The following NEK1 variants were observed in gnomAD, a reference collection of about 807,000 sequenced individuals.
NEK1 encodes the protein NIMA related kinase 1.
In NEK1, 137 loss-of-function variants were observed where a neutral mutation model predicts 182.1. The observed-to-expected ratio is 0.75, with a 90% CI of 0.65 to 0.87. NEK1 has a LOEUF of 0.87. Among genes scored for constraint, NEK1 ranks in the 40% least tolerant of loss-of-function variants. The pLI is 0.00. For synonymous variants in NEK1, 513 were observed against 492.2 expected (o/e 1.04, Z -0.56); for missense variants, 1,391 against 1,494.4 (o/e 0.93, Z 1.14).
intron 31 of NEK1, among the ~76,000 whole-genome samples, chr4:169,416,479 G>A (rs4591555): frequency 0.71 from 107,496 of 152,202 alleles, 40,583 homozygotes; most frequent in Middle Eastern, 0.87. Context: ...AAAGTAAACT[G>A]ACAGCATAAA....
chr4:169,435,231 G>T lies in NEK1; in HGVS notation c.2765-1566C>A, dbSNP rs544400449. Among the ~76,000 whole-genome samples the T allele has an allele frequency of 2.7e-4, 40 of 150,414 alleles. 1 individual carries two copies. The South Asian group carries it at 5.1e-3, about 19-fold the overall frequency. On this transcript the variant is annotated intron_variant, in intron 28 of 35. Transcript: ENST00000507142. ...AGATAACCTTTTCCTCCTTGTATCCGTATGTGGTAGAAAGCAGAAAGCTCT... is the reference window on the plus strand; with the variant it reads ...AGATAACCTTTTCCTCCTTGTATCCTTATGTGGTAGAAAGCAGAAAGCTCT...
At chr4:169,444,454 G>C (rs978527499) in intron 27 of NEK1, among the ~76,000 whole-genome samples, 3 of 151,980 alleles carry the variant, frequency 2.0e-5, no homozygotes, top group Admixed American at 1.3e-4. Flanking sequence ...AAAAGAGTGG[G>C]AGAAGGCATA....
At chr4:169,600,703 C>A (rs1339331882) in intron 4 of NEK1, among the ~76,000 whole-genome samples, 4 of 151,946 alleles carry the variant, frequency 2.6e-5, no homozygotes, top group Non-Finnish European at 5.9e-5. Context: ...GAAAAAAACT[C>A]CTGAAAACTA....
At chr4:169,426,397 T>G (rs1232488339) in intron 29 of NEK1, among the ~76,000 whole-genome samples, 163 bp from the exon 30 acceptor site, 2 of 152,240 alleles carry the variant, frequency 1.3e-5, no homozygotes, top group African/African-American at 4.8e-5. Context: ...ATAAGTACAA[T>G]GTATTTTTCA....
intron 22 of NEK1, 97 bp downstream of exon 22, chr4:169,507,618 G>T: frequency 1.3e-6 from 1 of 748,100 alleles, no homozygotes; most frequent in South Asian, 2.2e-5. Context: ...TAAAGGAAGA[G>T]ACTAAAGTGA....
chr4:169,507,164 A>G, intron 22 of NEK1, 32 bp from the exon 23 acceptor site: 2 of 1,265,318 alleles, frequency 1.6e-6, no homozygotes, highest in East Asian at 2.4e-5. Context: ...AAAATGAGTT[A>G]CCAGAAAGAA....
intron 23 of NEK1, among the ~76,000 whole-genome samples, chr4:169,480,704 T>C (rs185869230): frequency 6.6e-6 from 1 of 152,238 alleles, no homozygotes; most frequent in East Asian, 1.9e-4. Context: ...ATTGACTCTT[T>C]CATGAAAATA....
At chr4:169,468,956 G>GT (rs753474936) in intron 26 of NEK1, among the ~76,000 whole-genome samples, 4 of 152,186 alleles carry the variant, frequency 2.6e-5, no homozygotes, top group Non-Finnish European at 5.9e-5. Flanking sequence ...TGTGGGATCA[G>GT]TGGTGATATC....
chr4:169,440,159 A>G (rs897614752), intron 27 of NEK1, among the ~76,000 whole-genome samples: 3 of 151,656 alleles, frequency 2.0e-5, no homozygotes, highest in Non-Finnish European at 4.4e-5. Flanking sequence ...GCTATACTAG[A>G]TAAAAATTCT....
intron 23 of NEK1, among the ~76,000 whole-genome samples, chr4:169,489,267 G>C (rs1378807986): frequency 1.3e-5 from 2 of 152,102 alleles, no homozygotes; most frequent in Non-Finnish European, 2.9e-5. Context: ...AACTATAGAG[G>C]GGCGGAGGGA....
intron 27 of NEK1, among the ~76,000 whole-genome samples, chr4:169,460,720 T>G (rs920617562): frequency 6.6e-6 from 1 of 152,062 alleles, no homozygotes; most frequent in South Asian, 2.1e-4. Flanking sequence ...AAATCACTTA[T>G]AAGGTAAAGA....
intron 23 of NEK1, among the ~76,000 whole-genome samples, chr4:169,481,411 T>TA (rs1229044014): frequency 1.3e-5 from 2 of 152,168 alleles, no homozygotes; most frequent in Admixed American, 6.5e-5. Context: ...GCTACAGCCT[T>TA]AAAAAAATGT....
rs778224226 is a variant in NEK1 at position 169,479,385 on chromosome 4, G to C, written c.2139+18C>G. The C allele has an allele frequency of 1.2e-6, 2 of 1,602,940 alleles. No homozygotes were observed. Among genetic ancestry groups the C allele is most frequent in the South Asian group, 1.1e-5 (1 of 87,958 alleles). ...TAATCTTTTGACTTTGAGGAGTTCTGAATCTTAGGAAACTTACCACGCCAA... is the reference window on the plus strand; with the variant it reads ...TAATCTTTTGACTTTGAGGAGTTCTCAATCTTAGGAAACTTACCACGCCAA... On this transcript the variant is annotated intron_variant, in intron 24 of 35. Transcript: ENST00000507142.
chr4:169,529,298 A>G (rs1757334470), intron 19 of NEK1, among the ~76,000 whole-genome samples: 1 of 111,414 alleles, frequency 9.0e-6, no homozygotes, highest in Non-Finnish European at 2.2e-5. Context: ...AAAAATTTAA[A>G]AACAAAAAAA....
At chr4:169,515,362 A>G (rs1034224776) in intron 19 of NEK1, among the ~76,000 whole-genome samples, 1 of 152,124 alleles carries the variant, frequency 6.6e-6, no homozygotes, top group African/African-American at 2.4e-5. Context: ...AGTTCTATCA[A>G]TTGCTGAGAG....
intron 23 of NEK1, among the ~76,000 whole-genome samples, chr4:169,494,354 T>C (rs1750731675): frequency 6.6e-6 from 1 of 152,108 alleles, no homozygotes; most frequent in African/African-American, 2.4e-5. Flanking sequence ...CAGTGTTTGG[T>C]TTTTGTCCTT....
chr4:169,549,391 C>T (rs137883367), intron 18 of NEK1, among the ~76,000 whole-genome samples: 279 of 152,324 alleles, frequency 1.8e-3, no homozygotes, highest in African/African-American at 6.6e-3. Flanking sequence ...CAGACCAGAG[C>T]TGTTCCTATT....
At chr4:169,532,407 T>C (rs1203132907) in intron 19 of NEK1, among the ~76,000 whole-genome samples, 1 of 152,186 alleles carries the variant, frequency 6.6e-6, no homozygotes, top group Non-Finnish European at 1.5e-5. Flanking sequence ...AATACCATTA[T>C]ATATTTGTTT....
At chr4:169,457,756 G>A (rs1389535749) in intron 27 of NEK1, among the ~76,000 whole-genome samples, 1 of 134,546 alleles carries the variant, frequency 7.4e-6, no homozygotes, top group Non-Finnish European at 1.6e-5. Flanking sequence ...GGAGGGGAGG[G>A]GAGGGGAGGG....
Sources: allele counts gnomAD v4.1 joint callset (sites outside exome capture counted in the v4.1 genomes callset), GRCh38; gene constraint gnomAD v4.1.1; transcripts MANE v1.5; gene names NCBI Gene and HGNC (gene_info 2026-07-23, HGNC 2026-07-21).